The following DISP2 variants were observed in gnomAD, a reference collection of about 807,000 sequenced individuals.
DISP2 encodes the protein protein dispatched homolog 2.
In DISP2, 59 loss-of-function variants were observed where a neutral mutation model predicts 95.5. The ratio of observed to expected loss-of-function variants is 0.62; its 90% CI spans 0.50 to 0.77. The LOEUF (loss-of-function observed/expected upper bound fraction) is 0.77. Among genes scored for constraint, DISP2 ranks in the 30% least tolerant of loss-of-function variants. The pLI, the probability that DISP2 is intolerant of heterozygous loss-of-function variation, is 0.00. For missense variants in DISP2, 1,752 were observed against 1,854.6 expected, an observed-to-expected ratio of 0.94 and a Z score of 1.02; for synonymous variants, 827 against 815.0, an observed-to-expected ratio of 1.01 and a Z score of -0.25.
intron 1 of DISP2, among the ~76,000 whole-genome samples, chr15:40,363,074 C>A (rs1325131302): frequency 6.6e-6 from 1 of 151,448 alleles, no homozygotes; most frequent in Non-Finnish European, 1.5e-5. Flanking sequence ...GAGGCCGAGG[C>A]AGGCGGATCA....
Position 40,378,425 on chromosome 15 carries a change from G to T in DISP2, c.*8107G>T, listed in dbSNP as rs1461590356. ...GTTTATTATCTTAATTGTGGTGATG[G>T]TTTCACAGGTATATGTAATTTCTAA... is the stretch of plus-strand genomic sequence containing the variant. On this transcript the variant is annotated 3_prime_UTR_variant, in exon 8 of 8. Transcript: ENST00000267889. 2 of 152,080 alleles carry T rather than the reference G, an allele frequency of 1.3e-5. No individual in the cohort carries two copies. Among genetic ancestry groups the T allele is most frequent in the African/African-American group, 4.8e-5 (2 of 41,390 alleles). The allele number at this position is 152,080 out of a possible 1,614,324, so 9.4% of individuals were successfully genotyped here.
rs1236152527 is a variant in DISP2, at chr15:40,369,688, C to G, written c.3576C>G (p.Leu1192=). Reference sequence around the variant, plus strand: ...AGCTGTCCCACCGGCCCTCAGTACTCTCTGAGGATCTGCAGCTCCATGATG... The same window carrying G: ...AGCTGTCCCACCGGCCCTCAGTACTGTCTGAGGATCTGCAGCTCCATGATG... ...TSKLSHRPSV[L]SEDLQLHDGP... is the part of the protein sequence containing the mutation. Residue 1192 remains leucine, a synonymous_variant, in exon 8 of 8, where the codon CTC becomes CTG. Transcript: ENST00000267889. The G allele has an allele frequency of 1.9e-6, 3 of 1,611,868 alleles. No homozygotes were observed. In the African/African-American group the frequency reaches 4.0e-5, roughly 22 times the overall value.
chr15:40,374,014 A>AAAATATATATATAT lies in DISP2; in HGVS notation c.*3697_*3698insAATATATATATATA. On this transcript the variant is annotated 3_prime_UTR_variant, in exon 8 of 8. Coordinates refer to ENST00000267889, the MANE Select transcript of DISP2 (RefSeq NM_033510.3). ...GCGAGACTCCATCTTAAAAAAAAAAAATATATATATATATATATGTAAACT... is the reference window on the plus strand; with the variant it reads ...GCGAGACTCCATCTTAAAAAAAAAAAAAATATATATATATATATATATATATATATATGTAAACT... 9.6e-6 allele frequency: 1 copy of AAAATATATATATAT among 104,204 alleles called. No individual in the cohort carries two copies. The highest frequency in any genetic ancestry group is 4.2e-5 in the African/African-American group (1 of 23,990). 6.5% of individuals were successfully genotyped at this position (104,204 alleles called of 1,614,324 possible).
In DISP2 at chr15:40,367,650, C is replaced by T. The variant is rs576210510; in HGVS notation, c.1538C>T (p.Thr513Met). The T allele has an allele frequency of 2.6e-5, 42 of 1,613,958 alleles. No homozygotes were observed. In the South Asian group the frequency reaches 4.0e-4, roughly 15 times the overall value. ...CTGTACCTGCGCTCACTCTTCCTCA[C>T]GCTCATGGTGCTGCTGGGGGTGCTG... ...MALYLRSLFL[T>M]LMVLLGVLGS... Residue 513 changes from threonine to methionine, a missense_variant, in exon 8 of 8, where the codon ACG becomes ATG. Physicochemically the swap from Thr to Met is moderately conservative, Grantham distance 81 (BLOSUM62 -1). Transcript: ENST00000267889.
In DISP2 at chr15:40,364,630, T is replaced by C. The variant is rs979925047; in HGVS notation, c.603+86T>C. The C allele has an allele frequency of 7.1e-6, 11 of 1,559,166 alleles. No homozygotes were observed. In the African/African-American group the frequency reaches 1.2e-4, roughly 17 times the overall value. ...CAGAAAGTTGGAGGTAGGGTAGCCA[T>C]GGTAGCCTGGGGATAGGGTAGCCAT... On this transcript the variant is annotated intron_variant, in intron 4 of 7. Coordinates refer to ENST00000267889, the MANE Select transcript of DISP2 (RefSeq NM_033510.3).
chr15:40,367,402 G>A lies in DISP2; in HGVS notation c.1290G>A (p.Val430=). Residue 430 remains valine, a synonymous_variant, in exon 8 of 8, where the codon GTG becomes GTA. Coordinates refer to ENST00000267889, the MANE Select transcript of DISP2 (RefSeq NM_033510.3). ...FLSPQTTDYQ[V]PSLKYSLLFL... ...GTCCCCAGACCACTGACTACCAGGTGCCTTCCCTCAAGTACAGCCTGCTCT... is the reference window on the plus strand; with the variant it reads ...GTCCCCAGACCACTGACTACCAGGTACCTTCCCTCAAGTACAGCCTGCTCT... 1 of 1,613,492 alleles carries A rather than the reference G, an allele frequency of 6.2e-7. No homozygotes were observed. Among genetic ancestry groups the A allele is most frequent in the Non-Finnish European group, 8.5e-7 (1 of 1,179,924 alleles).
In DISP2 at chr15:40,367,840, G is replaced by A; in HGVS notation, c.1728G>A (p.Gly576=). The A allele has an allele frequency of 1.9e-6, 3 of 1,601,316 alleles. No homozygotes were observed. The highest frequency in any genetic ancestry group is 2.2e-5 in the East Asian group (1 of 44,868). ...TTAGCAAGAGCCAGCTGCCGTCGGG[G>A]GGGCTGGCGCAGCGCGTGGGCCGCA... The part of the protein sequence containing the change: ...WRLSKSQLPS[G]GLAQRVGRTM... The change falls in exon 8 of 8, where the codon GGG becomes GGA. Residue 576 remains glycine, a synonymous_variant. Transcript: ENST00000267889.
In DISP2 at chr15:40,367,969, C is replaced by G; in HGVS notation, c.1857C>G (p.Ala619=). The G allele has an allele frequency of 6.4e-7, 1 of 1,567,138 alleles. No homozygotes were observed. Among genetic ancestry groups the G allele is most frequent in the African/African-American group, 1.3e-5 (1 of 74,108 alleles). ...LSRLPAVRCL[A]LFMGTAVLVH... The stretch of plus-strand genomic sequence containing the variant: ...GCCTGCCGGCCGTTCGCTGCCTCGC[C>G]CTCTTCATGGGCACGGCTGTGCTGG... The change falls in exon 8 of 8, where the codon GCC becomes GCG. Residue 619 remains alanine (A), a synonymous_variant. Transcript: ENST00000267889.
rs2141260489 is a variant in DISP2 at position 40,364,435 on chromosome 15, T to C, written c.494T>C (p.Ile165Thr). The C allele has an allele frequency of 6.2e-7, 1 of 1,613,972 alleles. No homozygotes were observed. Among genetic ancestry groups the C allele is most frequent in the Non-Finnish European group, 8.5e-7 (1 of 1,180,032 alleles). Residue 165 changes from isoleucine (I) to threonine (T), a missense_variant, in exon 4 of 8, where the codon ATT becomes ACT. Around this residue, in one of 5 missense-constraint regions of DISP2, gnomAD observed 342 missense variants for 364.3 expected, o/e 0.94. Transcript: ENST00000267889. ...CTCTTTCCCAGCTATTCCCAGCTGATTGCTGAGTGGCCAGTGGCCGTGCTG... is the reference window on the plus strand; with the variant it reads ...CTCTTTCCCAGCTATTCCCAGCTGACTGCTGAGTGGCCAGTGGCCGTGCTG... ...FQMPKSYSQL[I>T]AEWPVAVLML...
Position 40,368,195 on chromosome 15 carries a change from C to T in DISP2, c.2083C>T (p.Leu695=). 1 of 1,605,970 alleles carries T rather than the reference C, an allele frequency of 6.2e-7. No individual in the cohort carries two copies. Among genetic ancestry groups the T allele is most frequent in the African/African-American group, 1.3e-5 (1 of 74,722 alleles). ...GTSRLLFQRL[L]PCGVIKFRYI... ...CTCGCGTCTGCTCTTCCAGCGCCTG[C>T]TGCCCTGCGGCGTCATCAAGTTCCG... The change falls in exon 8 of 8, where the codon CTG becomes TTG. Residue 695 remains leucine (L), a synonymous_variant. Transcript: ENST00000267889.
chr15:40,373,687 G>A lies in DISP2; in HGVS notation c.*3369G>A, dbSNP rs1889682549. The stretch of plus-strand genomic sequence containing the variant: ...CCACTGCACTCCAGCCTGGATGACA[G>A]AGCAAGACACCGTCTCAAAAAATAA... On this transcript the variant is annotated 3_prime_UTR_variant, in exon 8 of 8. Transcript: ENST00000267889. 6.6e-6 allele frequency: 1 copy of A among 151,624 alleles called. No individual in the cohort carries two copies. The highest frequency in any genetic ancestry group is 1.5e-5 in the Non-Finnish European group (1 of 68,004). 9.4% of individuals were successfully genotyped at this position (151,624 alleles called of 1,614,324 possible). A position where few individuals can be genotyped will look rare whatever the true frequency, so the allele number is the denominator to read the frequency against.
At position 40,368,366 on chromosome 15, in the gene DISP2, G is replaced by A. The variant is rs1290639775; in HGVS notation, c.2254G>A (p.Glu752Lys). Residue 752 changes from glutamate to lysine, a missense_variant, in exon 8 of 8, where the codon GAG becomes AAG. This residue lies in a region of DISP2 where 732 missense variants were observed against 714.6 expected (regional missense o/e 1.02). Coordinates refer to ENST00000267889, the MANE Select transcript of DISP2 (RefSeq NM_033510.3). ...PSHPFERFDA[E>K]YRQLFLFEQL... ...CCACCCCTTCGAGCGCTTCGACGCG[G>A]AGTATCGCCAGCTGTTCCTGTTCGA... The A allele has an allele frequency of 6.2e-6, 10 of 1,606,612 alleles. No homozygotes were observed. The highest frequency in any genetic ancestry group is 1.3e-5 in the African/African-American group (1 of 75,036).
In DISP2 at chr15:40,370,538, C is replaced by T. The variant is rs1279050777; in HGVS notation, c.*220C>T. The T allele has an allele frequency of 5.8e-6, 5 of 869,320 alleles. No homozygotes were observed. Among genetic ancestry groups the T allele is most frequent in the Non-Finnish European group, 5.5e-6 (3 of 542,090 alleles). The allele number at this position is 869,320 out of a possible 1,614,324, so 53.9% of individuals were successfully genotyped here. A position where few individuals can be genotyped will look rare whatever the true frequency, so the allele number is the denominator to read the frequency against. On this transcript the variant is annotated 3_prime_UTR_variant, in exon 8 of 8. Coordinates refer to ENST00000267889, the MANE Select transcript of DISP2 (RefSeq NM_033510.3). ...CCAGCAGGAGGGGTTTTGGAGGGGA[C>T]CTGCTTGCGACCTGCTGAGGGCTTG...
At position 40,367,304 on chromosome 15, in the gene DISP2, G is replaced by C. The variant is rs915028218; in HGVS notation, c.1192G>C (p.Val398Leu). ...GAACAAGTCCCCACGCTGTGCCCAG[G>C]TTCCCACCAAGTGCTCCCAGAGTAG... ...GQNKSPRCAQ[V>L]PTKCSQSSAI... The change falls in exon 8 of 8, where the codon GTT becomes CTT. Residue 398 changes from valine (V) to leucine (L), a missense_variant. Transcript: ENST00000267889. 2 of 1,613,530 alleles carry C rather than the reference G, an allele frequency of 1.2e-6. No homozygotes were observed. The highest frequency in any genetic ancestry group is 3.3e-5 in the Admixed American group (2 of 59,966).
chr15:40,364,159 C>T, intron 2 of DISP2, 67 bp from the exon 3 acceptor site: 8 of 1,605,786 alleles, frequency 5.0e-6, no homozygotes, highest in Non-Finnish European at 6.8e-6. Flanking sequence ...CACCCCACCT[C>T]CACCCCCAAC....
rs1345496881 is a variant in DISP2 at position 40,378,542 on chromosome 15, T to C, written c.*8224T>C. On this transcript the variant is annotated 3_prime_UTR_variant, in exon 8 of 8. Coordinates refer to ENST00000267889, the MANE Select transcript of DISP2 (RefSeq NM_033510.3). ...TAAAATTGTACTGAAACAAAACCAT[T>C]GGGGGAAACTGGGTAAAGAGTCCAA... 6.6e-6 allele frequency: 1 copy of C among 152,106 alleles called. No individual in the cohort carries two copies. The highest frequency in any genetic ancestry group is 2.4e-5 in the African/African-American group (1 of 41,418). 9.4% of individuals were successfully genotyped at this position (152,106 alleles called of 1,614,324 possible).
chr15:40,365,836 A>C, intron 7 of DISP2, 111 bp downstream of exon 7: 1 of 1,062,462 alleles, frequency 9.4e-7, no homozygotes, highest in Non-Finnish European at 1.4e-6. Context: ...ACTGGGGAAG[A>C]GCATTCCCTG....
In DISP2 at chr15:40,368,651, AG is replaced by A; in HGVS notation, c.2540del (p.Ser847ThrfsTer29). On this transcript the variant is annotated frameshift_variant, in exon 8 of 8. Transcript: ENST00000267889. LOFTEE classifies it high-confidence loss of function. Reference sequence around the variant, plus strand: ...GGAGACCCTCCAGCGCTGGATGGAGAGCCCCAGCTGCGCCCGCCTGGGGCCT... The same window carrying A: ...GGAGACCCTCCAGCGCTGGATGGAGACCCCAGCTGCGCCCGCCTGGGGCCT... ...FVETLQRWME[S>X]PSCARLGPDL... 1 of 1,610,302 alleles carries A rather than the reference AG, an allele frequency of 6.2e-7. No individual in the cohort carries two copies. Among genetic ancestry groups the A allele is most frequent in the Non-Finnish European group, 8.5e-7 (1 of 1,179,964 alleles).
Position 40,368,239 on chromosome 15 carries a change from G to C in DISP2, c.2127G>C (p.Trp709Cys), listed in dbSNP as rs567698565. 6.2e-7 allele frequency: 1 copy of C among 1,610,738 alleles called. No individual in the cohort carries two copies. Among genetic ancestry groups the C allele is most frequent in the African/African-American group, 1.3e-5 (1 of 75,008 alleles). Residue 709 changes from tryptophan (W) to cysteine (C), a missense_variant, in exon 8 of 8, where the codon TGG becomes TGC. Trp to Cys is a radical substitution (Grantham distance 215). Coordinates refer to ENST00000267889, the MANE Select transcript of DISP2 (RefSeq NM_033510.3). ...VIKFRYIWIC[W>C]FAALAAGGAY... is the part of the protein sequence containing the mutation. ...AGTTCCGCTACATCTGGATCTGCTG[G>C]TTCGCAGCACTGGCGGCAGGGGGCG...
Sources: gnomAD v4.1 joint callset for allele counts (sites outside exome capture counted in the v4.1 genomes callset) on GRCh38, gnomAD v4.1.1 for gene constraint, gnomAD v4.1.1 regional missense constraint, MANE v1.5 for transcripts, NCBI Gene and HGNC (gene_info 2026-07-23, HGNC 2026-07-21) for gene names.